NTM: variants seen among roughly 807,000 people sequenced by gnomAD.
NTM encodes the protein IgLON family member 2.
In NTM, 13 loss-of-function variants were observed where a neutral mutation model predicts 42.1. The ratio of observed to expected loss-of-function variants is 0.31; its 90% CI spans 0.20 to 0.49. The LOEUF is 0.49. NTM is among the 20% of genes least tolerant of loss of function. The probability of loss-of-function intolerance (pLI) is 0.99; values close to 1 mark genes in which losing one functional copy is unlikely to be tolerated. For synonymous variants in NTM, 187 were observed against 179.2 expected (o/e 1.04, Z -0.35); for missense variants, 373 against 452.8 (o/e 0.82, Z 1.60).
chr11:131,417,813 C>T (rs910808072), intron 1 of NTM, among the ~76,000 whole-genome samples: 3 of 152,206 alleles, frequency 2.0e-5, no homozygotes, highest in African/African-American at 7.2e-5. Flanking sequence ...CAATGATTTT[C>T]TTTCCCTTGA....
chr11:132,096,196 T>A (rs2060963131), intron 2 of NTM, among the ~76,000 whole-genome samples: 1 of 152,216 alleles, frequency 6.6e-6, no homozygotes, highest in African/African-American at 2.4e-5. Context: ...TTCTTCTTTA[T>A]CTTTCTGACC....
At chr11:132,193,174 CACA>C (rs2079588125) in intron 3 of NTM, among the ~76,000 whole-genome samples, 1 of 152,048 alleles carries the variant, frequency 6.6e-6, no homozygotes, top group Non-Finnish European at 1.5e-5. Context: ...CAGAACACTC[CACA>C]ACAACAGAAT....
At chr11:131,787,108 C>A (rs10750490) in intron 1 of NTM, among the ~76,000 whole-genome samples, 138,032 of 152,124 alleles carry the variant, frequency 0.91, 62,773 homozygotes, top group East Asian at 1. Context: ...ACAGATTACT[C>A]TTTAAAGTTC....
intron 2 of NTM, among the ~76,000 whole-genome samples, chr11:132,140,393 T>C (rs771894372): frequency 2.6e-5 from 4 of 152,216 alleles, no homozygotes; most frequent in Non-Finnish European, 5.9e-5. Flanking sequence ...TGATGAGCCC[T>C]CTTACTTTCA....
At chr11:131,828,137 A>C (rs998949629) in intron 1 of NTM, among the ~76,000 whole-genome samples, 3 of 152,140 alleles carry the variant, frequency 2.0e-5, no homozygotes, top group East Asian at 3.8e-4. Flanking sequence ...AGAAAAAAAA[A>C]AACAACTACC....
chr11:132,325,279 A>G (rs1485491827), intron 7 of NTM, among the ~76,000 whole-genome samples: 3 of 150,442 alleles, frequency 2.0e-5, no homozygotes, highest in Non-Finnish European at 3.0e-5. Flanking sequence ...CATCTGACAA[A>G]GGGCTAATAT....
At chr11:132,269,995 C>T (rs534888379) in intron 4 of NTM, among the ~76,000 whole-genome samples, 5 of 152,294 alleles carry the variant, frequency 3.3e-5, no homozygotes, top group Middle Eastern at 3.4e-3. Context: ...CTCCATCGAG[C>T]GAGAACATTC....
At chr11:131,947,704 G>A (rs889775820) in intron 2 of NTM, among the ~76,000 whole-genome samples, 4 of 152,188 alleles carry the variant, frequency 2.6e-5, no homozygotes, top group African/African-American at 9.7e-5. Flanking sequence ...ATGGAAGCCA[G>A]TCAGTTACGT....
chr11:131,846,425 C>T (rs2044909805), intron 1 of NTM, among the ~76,000 whole-genome samples: 2 of 151,946 alleles, frequency 1.3e-5, no homozygotes, highest in Non-Finnish European at 2.9e-5. Context: ...CTCTGTTGAT[C>T]TTTTCTAATG....
chr11:131,650,132 G>GT (rs2066285773), intron 1 of NTM, among the ~76,000 whole-genome samples: 1 of 152,154 alleles, frequency 6.6e-6, no homozygotes, highest in Non-Finnish European at 1.5e-5. Context: ...ACTATTCATG[G>GT]TATAGCAGGA....
intron 1 of NTM, among the ~76,000 whole-genome samples, chr11:131,717,376 CT>C: frequency 6.6e-6 from 1 of 152,102 alleles, no homozygotes; most frequent in African/African-American, 2.4e-5. Context: ...TAGTATATGT[CT>C]CTATTTATAT....
At chr11:131,545,886 T>C (rs1390826255) in intron 1 of NTM, among the ~76,000 whole-genome samples, 10 of 152,134 alleles carry the variant, frequency 6.6e-5, no homozygotes. Context: ...ATCCGAGCAT[T>C]ATCTAACCTG....
intron 2 of NTM, among the ~76,000 whole-genome samples, chr11:131,967,051 T>C (rs1048541855): frequency 6.6e-6 from 1 of 152,156 alleles, no homozygotes; most frequent in Non-Finnish European, 1.5e-5. Context: ...TGGGCTATGA[T>C]GTGGGCAAAG....
intron 4 of NTM, among the ~76,000 whole-genome samples, chr11:132,265,919 G>A (rs2093157307): frequency 6.6e-6 from 1 of 152,152 alleles, no homozygotes; most frequent in African/African-American, 2.4e-5. Flanking sequence ...TACACTGTTG[G>A]GATTTCCCAC....
Position 132,019,287 on chromosome 11 carries a change from G to A in NTM, c.167+107639G>A, listed in dbSNP as rs115472010. 8.0e-3 allele frequency among the ~76,000 whole-genome samples: 1,204 copies of A among 151,442 alleles called. 11 individuals are homozygous for A. The highest frequency in any genetic ancestry group is 0.025 in the African/African-American group (1,024 of 41,334). ...TCTTTTGCCTTTTTTTAACATAGAC[G>A]TTTACAGGTATAATGTCCCTTAAGC... On this transcript the variant is annotated intron_variant, in intron 2 of 8. Coordinates refer to ENST00000683400, the MANE Select transcript of NTM (RefSeq NM_001352005.2).
chr11:132,045,109 C>T (rs1465095675), intron 2 of NTM, among the ~76,000 whole-genome samples: 2 of 152,186 alleles, frequency 1.3e-5, no homozygotes, highest in African/African-American at 4.8e-5. Context: ...CCTTGATGAA[C>T]ATCAATGCAA....
intron 1 of NTM, among the ~76,000 whole-genome samples, chr11:131,847,187 G>T (rs923345639): frequency 6.6e-6 from 1 of 151,996 alleles, no homozygotes; most frequent in Non-Finnish European, 1.5e-5. Context: ...AAATATTGAG[G>T]ATATCATGGA....
At chr11:132,017,223 A>G (rs2073574887) in intron 2 of NTM, among the ~76,000 whole-genome samples, 1 of 151,998 alleles carries the variant, frequency 6.6e-6, no homozygotes. Context: ...ATCCAAAGTT[A>G]TGAAGATTTT....
chr11:131,633,636 C>CTCTCT (rs1387127655), intron 1 of NTM, among the ~76,000 whole-genome samples: 5 of 36,072 alleles, frequency 1.4e-4, no homozygotes, highest in Middle Eastern at 0.017. Context: ...TCTATCTCTG[C>CTCTCT]CTCTCTCTCC....
Sources: gnomAD v4.1 joint callset for allele counts (sites outside exome capture counted in the v4.1 genomes callset) on GRCh38, gnomAD v4.1.1 for gene constraint, MANE v1.5 for transcripts, NCBI Gene and HGNC (gene_info 2026-07-23, HGNC 2026-07-21) for gene names.